The following ATRX variants were observed in gnomAD, a reference collection of about 807,000 sequenced individuals.
ATRX encodes the protein chromatin remodeler ATRX.
ATRX carries 12 observed loss-of-function variants against 172.6 expected under a neutral mutation model. The observed-to-expected ratio is 0.07, with a 90% CI of 0.04 to 0.11. ATRX has a LOEUF of 0.11. ATRX is among the 10% of genes least tolerant of loss of function. The pLI, the probability that ATRX is intolerant of heterozygous loss-of-function variation, is 1.00. For synonymous variants in ATRX, 674 were observed against 594.7 expected (o/e 1.13, Z -1.94); for missense variants, 1,368 against 1,767.4 (o/e 0.77, Z 4.05).
chrX:77,771,415 C>T (rs1184728285), intron 1 of ATRX, among the ~76,000 whole-genome samples: 1 of 109,515 alleles, frequency 9.1e-6, no homozygotes, highest in Non-Finnish European at 1.9e-5. Context: ...CCCCAACTAG[C>T]ATCCTTCTTT....
At position 77,505,991 on chromosome X, in the gene ATRX, T is replaced by G. The variant is rs1213220227; in HGVS notation, c.*2360A>C. ...TATGATTTCAGCAGCCAAAGCTGGA[T>G]GATGGACTGAAACATTACTATACAA... On this transcript the variant is annotated 3_prime_UTR_variant, in exon 35 of 35. Transcript: ENST00000373344. 2 of 168,692 alleles carry G rather than the reference T, an allele frequency of 1.2e-5. No homozygotes were observed. Among genetic ancestry groups the G allele is most frequent in the Non-Finnish European group, 2.3e-5 (2 of 87,852 alleles). 13.9% of individuals were successfully genotyped at this position (168,692 alleles called of 1,213,427 possible). A position where few individuals can be genotyped will look rare whatever the true frequency, so the allele number is the denominator to read the frequency against.
intron 10 of ATRX, among the ~76,000 whole-genome samples, chrX:77,671,376 A>T (rs1448576085): frequency 1.9e-5 from 2 of 106,046 alleles, no homozygotes; most frequent in African/African-American, 6.8e-5. Context: ...GTACCAGGAA[A>T]ATTAATATCA....
intron 1 of ATRX, among the ~76,000 whole-genome samples, chrX:77,737,847 A>C (rs1204545999): frequency 9.0e-6 from 1 of 111,449 alleles, no homozygotes; most frequent in Non-Finnish European, 1.9e-5. Context: ...CCACTTAAAA[A>C]GCATCTCTTA....
intron 12 of ATRX, among the ~76,000 whole-genome samples, chrX:77,658,654 T>C (rs1557120982): frequency 8.9e-6 from 1 of 112,403 alleles, no homozygotes. Context: ...TTTGCCATTG[T>C]ACATATGTGA....
chrX:77,532,100 G>A (rs782515044), intron 30 of ATRX, among the ~76,000 whole-genome samples: 1 of 111,014 alleles, frequency 9.0e-6, no homozygotes, highest in Non-Finnish European at 1.9e-5. Context: ...CCTCTTCAAG[G>A]AGAACAACAA....
At chrX:77,654,450 C>G (rs1419048393) in intron 13 of ATRX, among the ~76,000 whole-genome samples, 2 of 110,951 alleles carry the variant, frequency 1.8e-5, no homozygotes, top group East Asian at 5.6e-4. Context: ...GACATTAAGA[C>G]TATTCTTCTA....
chrX:77,554,368 C>T (rs1043230263), intron 30 of ATRX, among the ~76,000 whole-genome samples: 1 of 111,629 alleles, frequency 9.0e-6, no homozygotes, highest in Non-Finnish European at 1.9e-5. Context: ...CAGTTGAGTT[C>T]TACCATTTAT....
intron 30 of ATRX, among the ~76,000 whole-genome samples, chrX:77,529,921 G>A (rs782623161): frequency 8.9e-6 from 1 of 111,919 alleles, no homozygotes; most frequent in South Asian, 3.7e-4. Context: ...GGATATTCAG[G>A]ACCTGAACTC....
At chrX:77,636,132 T>G in intron 15 of ATRX, 76 bp from the exon 16 acceptor site, 2 of 1,050,538 alleles carry the variant, frequency 1.9e-6, no homozygotes. Flanking sequence ...CAAGGGAGAT[T>G]TTCCAAAATA....
At chrX:77,607,121 G>A (rs2066941512) in intron 22 of ATRX, among the ~76,000 whole-genome samples, 1 of 111,650 alleles carries the variant, frequency 9.0e-6, no homozygotes, top group Admixed American at 9.5e-5. Flanking sequence ...CATCATACTG[G>A]AAGTCCTAGT....
chrX:77,697,373 C>CA (rs1313268172), intron 4 of ATRX, among the ~76,000 whole-genome samples: 1 of 111,324 alleles, frequency 9.0e-6, no homozygotes, highest in African/African-American at 3.3e-5. Flanking sequence ...CTTTAGAATT[C>CA]AAAGTTAGAA....
intron 7 of ATRX, 79 bp downstream of exon 7, chrX:77,688,739 A>G: frequency 2.4e-6 from 2 of 819,856 alleles, no homozygotes; most frequent in Non-Finnish European, 3.7e-6. Context: ...TCTTTCTTCA[A>G]GACTGTGCCC....
chrX:77,542,799 C>T (rs782543586), intron 30 of ATRX, among the ~76,000 whole-genome samples: 2 of 111,829 alleles, frequency 1.8e-5, no homozygotes, highest in East Asian at 2.8e-4. Context: ...CTTCCTTACA[C>T]CTTATACAAA....
chrX:77,620,670 A>T, intron 19 of ATRX, 138 bp from the exon 20 acceptor site: 1 of 581,416 alleles, frequency 1.7e-6, no homozygotes, highest in Non-Finnish European at 2.7e-6. Flanking sequence ...AAGTATAAAC[A>T]TATTTTATCT....
chrX:77,685,548 G>A (rs1557143376), intron 7 of ATRX, among the ~76,000 whole-genome samples: 1 of 111,927 alleles, frequency 8.9e-6, no homozygotes, highest in African/African-American at 3.2e-5. Context: ...ACAAATGCTG[G>A]CAAGGATGTG....
chrX:77,662,687 ATTTT>A (rs572509462), intron 12 of ATRX, among the ~76,000 whole-genome samples: 1 of 105,617 alleles, frequency 9.5e-6, no homozygotes, highest in Non-Finnish European at 2.0e-5. Flanking sequence ...ATATGCTTAA[ATTTT>A]TTTTTTTTTA....
At chrX:77,698,721 C>T in intron 2 of ATRX, 92 bp from the exon 3 acceptor site, 1 of 702,522 alleles carries the variant, frequency 1.4e-6, no homozygotes, top group South Asian at 2.3e-5. Context: ...CCCATTCTCA[C>T]ACTATGAAGT....
At chrX:77,765,027 T>A (rs1283334449) in intron 1 of ATRX, among the ~76,000 whole-genome samples, 1 of 109,842 alleles carries the variant, frequency 9.1e-6, no homozygotes, top group Non-Finnish European at 1.9e-5. Flanking sequence ...ATTAGTCAGG[T>A]GTGGTGGTGG....
intron 28 of ATRX, among the ~76,000 whole-genome samples, chrX:77,568,430 A>G (rs1309497077): frequency 8.9e-6 from 1 of 112,037 alleles, no homozygotes; most frequent in African/African-American, 3.2e-5. Flanking sequence ...CATTCAATAT[A>G]AAATAGATCA....
Sources: gnomAD v4.1 joint callset for allele counts (sites outside exome capture counted in the v4.1 genomes callset) on GRCh38, gnomAD v4.1.1 for gene constraint, MANE v1.5 for transcripts, NCBI Gene and HGNC (gene_info 2026-07-23, HGNC 2026-07-21) for gene names.